The following IQGAP2 variants were observed in gnomAD, a reference collection of about 807,000 sequenced individuals.
IQGAP2 encodes the protein ras GTPase-activating-like protein IQGAP2.
IQGAP2 carries 173 observed loss-of-function variants against 201.3 expected under a neutral mutation model. That is an observed-to-expected ratio of 0.86 (90% confidence interval 0.76 to 0.98). The LOEUF is 0.98. Ranked by LOEUF, IQGAP2 falls within the 50% of genes least tolerant of loss-of-function variation. The pLI, the probability that IQGAP2 is intolerant of heterozygous loss-of-function variation, is 0.00. For missense variants in IQGAP2, 1,687 were observed against 1,864.8 expected (o/e 0.90, Z 1.76); for synonymous variants, 675 against 673.9 (o/e 1.00, Z -0.03).
chr5:76,587,949 CAAAAAAA>C (rs768707380), intron 5 of IQGAP2, among the ~76,000 whole-genome samples: 2 of 90,448 alleles, frequency 2.2e-5, no homozygotes, highest in African/African-American at 8.1e-5. Context: ...CTGTCTCAAC[CAAAAAAA>C]AAAAAAAAAA....
intron 1 of IQGAP2, among the ~76,000 whole-genome samples, chr5:76,445,543 C>A (rs1295447472): frequency 6.6e-6 from 1 of 150,994 alleles, no homozygotes; most frequent in Non-Finnish European, 1.5e-5. Flanking sequence ...CGGCTCCCTG[C>A]AAACTTCGCC....
At chr5:76,428,156 C>T (rs954116808) in intron 1 of IQGAP2, among the ~76,000 whole-genome samples, 3 of 152,148 alleles carry the variant, frequency 2.0e-5, no homozygotes, top group East Asian at 3.9e-4. Context: ...CACAGAGGAG[C>T]GCCAGCCCCT....
chr5:76,664,822 A>G (rs114858916), intron 21 of IQGAP2, among the ~76,000 whole-genome samples: 15 of 152,304 alleles, frequency 9.8e-5, no homozygotes, highest in African/African-American at 3.4e-4. Context: ...AAATGGTGAC[A>G]ATAGGCATGT....
At chr5:76,408,140 G>A (rs1045399276) in intron 1 of IQGAP2, among the ~76,000 whole-genome samples, 15 of 151,246 alleles carry the variant, frequency 9.9e-5, no homozygotes, top group East Asian at 2.0e-4. Flanking sequence ...CAGCCTGGGC[G>A]AAAGAGCGAG....
intron 1 of IQGAP2, among the ~76,000 whole-genome samples, chr5:76,427,641 T>C (rs1752085455): frequency 6.6e-6 from 1 of 152,172 alleles, no homozygotes; most frequent in African/African-American, 2.4e-5. Flanking sequence ...GCGTGTGTCA[T>C]GTGAGGATTT....
Position 76,610,577 on chromosome 5 carries a change from AT to A in IQGAP2, c.1358-442del, listed in dbSNP as rs1027936636. On this transcript the variant is annotated intron_variant, in intron 12 of 35. Transcript: ENST00000274364. ...AGCAAGAATCTCTCAAAAAAAAAAAATAAAAATAAAAACCAGCAGCTGGGAC... is the reference window on the plus strand; with the variant it reads ...AGCAAGAATCTCTCAAAAAAAAAAAAAAAAATAAAAACCAGCAGCTGGGAC... Among the ~76,000 whole-genome samples, 32 of 151,130 alleles carry A rather than the reference AT, an allele frequency of 2.1e-4. No homozygotes were observed. In the South Asian group the frequency reaches 4.0e-3, roughly 19 times the overall value.
intron 13 of IQGAP2, among the ~76,000 whole-genome samples, 170 bp downstream of exon 13, chr5:76,611,353 T>C (rs148554200): frequency 1.6e-4 from 25 of 152,176 alleles, no homozygotes; most frequent in African/African-American, 3.1e-4. Context: ...GTAACAAACA[T>C]TGGGGGGAAA....
At chr5:76,410,929 G>T (rs966130235) in intron 1 of IQGAP2, among the ~76,000 whole-genome samples, 2 of 152,186 alleles carry the variant, frequency 1.3e-5, no homozygotes, top group Non-Finnish European at 2.9e-5. Context: ...CGTGTATTGT[G>T]TATGACTTCT....
At chr5:76,680,794 TAAAAA>T (rs755958579) in intron 28 of IQGAP2, among the ~76,000 whole-genome samples, 4 of 115,536 alleles carry the variant, frequency 3.5e-5, no homozygotes, top group African/African-American at 1.3e-4. Flanking sequence ...TTGTCTCATT[TAAAAA>T]AAAAAAAAAA....
chr5:76,659,639 C>G (rs543646655), intron 21 of IQGAP2, among the ~76,000 whole-genome samples: 15 of 152,220 alleles, frequency 9.9e-5, no homozygotes, highest in African/African-American at 3.6e-4. Context: ...TCTTGACCCA[C>G]GTAAATGACC....
At chr5:76,645,379 G>A (rs926170138) in intron 17 of IQGAP2, among the ~76,000 whole-genome samples, 1 of 152,196 alleles carries the variant, frequency 6.6e-6, no homozygotes. Flanking sequence ...TGGGATTGCT[G>A]AGTCAAATGG....
rs1224673865 is a variant in IQGAP2, at chr5:76,575,702, C to G, written c.391C>G (p.Pro131Ala). The change falls in exon 5 of 36, where the codon CCA becomes GCA. Residue 131 changes from proline (P) to alanine (A), a missense_variant. By Grantham distance (27) the Pro-to-Ala change is conservative. Coordinates refer to ENST00000274364, the MANE Select transcript of IQGAP2 (RefSeq NM_006633.5). Reference sequence around the variant, plus strand: ...TTCTTTTGTTTTCCAGATATTTTATCCAGAAACAACAGATGTCTATGATCG... The same window carrying G: ...TTCTTTTGTTTTCCAGATATTTTATGCAGAAACAACAGATGTCTATGATCG... ...ESIGLPKIFY[P>A]ETTDVYDRKN... 6.4e-7 allele frequency: 1 copy of G among 1,567,060 alleles called. No homozygotes were observed. Among genetic ancestry groups the G allele is most frequent in the East Asian group, 2.3e-5 (1 of 43,436 alleles).
In IQGAP2 at chr5:76,665,125, G is replaced by A. The variant is rs2150466041; in HGVS notation, c.2629G>A (p.Glu877Lys). The change falls in exon 22 of 36, where the codon GAG becomes AAG. Residue 877 changes from glutamate (E) to lysine (K), a missense_variant. Glu to Lys is a moderately conservative substitution (Grantham distance 56). Coordinates refer to ENST00000274364, the MANE Select transcript of IQGAP2 (RefSeq NM_006633.5). ...CCAAGGAATAAAAAGTTTGAGTAAGGAGAGGAGAAAAACACTAGAAACATA... is the reference window on the plus strand; with the variant it reads ...CCAAGGAATAAAAAGTTTGAGTAAGAAGAGGAGAAAAACACTAGAAACATA... ...DNQGIKSLSK[E>K]RRKTLETYQQ... 3 of 1,613,272 alleles carry A rather than the reference G, an allele frequency of 1.9e-6. No individual in the cohort carries two copies. Among genetic ancestry groups the A allele is most frequent in the Non-Finnish European group, 1.7e-6 (2 of 1,179,292 alleles).
Position 76,590,709 on chromosome 5 carries a change from A to T in IQGAP2, c.819+123A>T, listed in dbSNP as rs1382535106. Reference sequence around the variant, plus strand: ...GGCTATTTTCTCTATAGCCGTAGACAATTGATTTGAATGAAATGTAGCATA... The same window carrying T: ...GGCTATTTTCTCTATAGCCGTAGACTATTGATTTGAATGAAATGTAGCATA... On this transcript the variant is annotated intron_variant, in intron 8 of 35. Transcript: ENST00000274364. 1.0e-5 allele frequency: 7 copies of T among 703,062 alleles called. No individual in the cohort carries two copies. The African/African-American group carries it at 1.3e-4, about 13-fold the overall frequency. The allele number at this position is 703,062 out of a possible 1,614,324, so 43.6% of individuals were successfully genotyped here.
At position 76,677,245 on chromosome 5, in the gene IQGAP2, C is replaced by A. The variant is rs749466372; in HGVS notation, c.3555C>A (p.Val1185=). 1.3e-5 allele frequency: 21 copies of A among 1,613,382 alleles called. No individual in the cohort carries two copies. Among genetic ancestry groups the A allele is most frequent in the Non-Finnish European group, 1.7e-5 (20 of 1,179,570 alleles). The change falls in exon 28 of 36, where the codon GTC becomes GTA. Residue 1185 remains valine (V), a synonymous_variant. Transcript: ENST00000274364. ...AATATTTCAAAGAAGCATGTAATGT[C>A]CCTGAGCCAGAAGAGAAGTTTAATA... ...FRKYFKEACN[V]PEPEEKFNMD...
intron 2 of IQGAP2, among the ~76,000 whole-genome samples, chr5:76,545,128 A>G (rs1441929961): frequency 3.3e-5 from 5 of 152,210 alleles, no homozygotes; most frequent in African/African-American, 1.2e-4. Flanking sequence ...CTGTTGTGTA[A>G]CATGGATGTG....
intron 5 of IQGAP2, among the ~76,000 whole-genome samples, chr5:76,581,556 T>C (rs2081258406): frequency 6.6e-6 from 1 of 152,208 alleles, no homozygotes; most frequent in Non-Finnish European, 1.5e-5. Context: ...TAAATTAGTA[T>C]GGTGGTTATG....
intron 21 of IQGAP2, among the ~76,000 whole-genome samples, chr5:76,662,052 A>G (rs551350233): frequency 9.2e-5 from 14 of 152,230 alleles, no homozygotes; most frequent in Non-Finnish European, 1.9e-4. Flanking sequence ...AATAAAAAGT[A>G]TCTGCCCCTG....
At chr5:76,497,194 T>C (rs777247718) in intron 2 of IQGAP2, among the ~76,000 whole-genome samples, 1 of 152,220 alleles carries the variant, frequency 6.6e-6, no homozygotes, top group Non-Finnish European at 1.5e-5. Flanking sequence ...TAATACTGAT[T>C]GGAAAGCAAG....
Sources: gnomAD v4.1 joint callset for allele counts (sites outside exome capture counted in the v4.1 genomes callset) on GRCh38, gnomAD v4.1.1 for gene constraint, MANE v1.5 for transcripts, NCBI Gene and HGNC (gene_info 2026-07-23, HGNC 2026-07-21) for gene names.